JAK2: variants seen among roughly 807,000 people sequenced by gnomAD.
JAK2 encodes the protein Janus kinase 2.
JAK2 carries 86 observed loss-of-function variants against 139.3 expected under a neutral mutation model. That is an observed-to-expected ratio of 0.62 (90% CI 0.52 to 0.74). The LOEUF is 0.74. Among genes scored for constraint, JAK2 ranks in the 30% least tolerant of loss-of-function variants. The probability of loss-of-function intolerance (pLI) is 0.00; values close to 1 mark genes in which losing one functional copy is unlikely to be tolerated. For synonymous variants in JAK2, 490 were observed against 437.7 expected (o/e 1.12, Z -1.49); for missense variants, 1,421 against 1,360.3 (o/e 1.04, Z -0.70).
chr9:5,072,693 A>G (rs1819048222), intron 13 of JAK2, 67 bp downstream of exon 13: 6 of 1,202,182 alleles, frequency 5.0e-6, no homozygotes, highest in East Asian at 2.7e-5. Flanking sequence ...ATATGCATAC[A>G]ACGTACTCAT....
At chr9:5,011,744 T>G (rs1821715646) in intron 2 of JAK2, among the ~76,000 whole-genome samples, 1 of 152,202 alleles carries the variant, frequency 6.6e-6, no homozygotes. Flanking sequence ...TTTCAATCTT[T>G]CTCTGAAGTA....
chr9:5,025,256 A>G (rs1003003658), intron 3 of JAK2, among the ~76,000 whole-genome samples: 4 of 151,948 alleles, frequency 2.6e-5, no homozygotes, highest in South Asian at 2.1e-4. Flanking sequence ...AGATTTTTCT[A>G]TCTATATTGG....
chr9:5,066,961 T>C (rs1313177498), intron 10 of JAK2, among the ~76,000 whole-genome samples, 172 bp downstream of exon 10: 1 of 152,102 alleles, frequency 6.6e-6, no homozygotes, highest in East Asian at 1.9e-4. Flanking sequence ...AAGTTATAAT[T>C]CCCAGGGTTT....
At chr9:5,094,441 T>A (rs1376588428) in intron 22 of JAK2, 1 of 152,104 alleles carries the variant, frequency 6.6e-6, no homozygotes, top group Non-Finnish European at 1.5e-5. Flanking sequence ...AGGATAAGCA[T>A]CCAATTCAAA....
chr9:5,077,428 T>A, intron 14 of JAK2, 25 bp from the exon 15 acceptor site: 1 of 854,790 alleles, frequency 1.2e-6, no homozygotes, highest in South Asian at 3.2e-5. Context: ...TAAGCCTTAT[T>A]ATTATTACTT....
chr9:5,040,936 C>T (rs1235088458), intron 4 of JAK2: 5 of 400,372 alleles, frequency 1.2e-5, no homozygotes, highest in African/African-American at 4.3e-5. Flanking sequence ...CTGGCCATGG[C>T]GGAGCCAAGG....
At chr9:5,057,638 A>C (rs1458740622) in intron 8 of JAK2, among the ~76,000 whole-genome samples, 2 of 146,180 alleles carry the variant, frequency 1.4e-5, no homozygotes, top group East Asian at 2.0e-4. Context: ...GCTGGAGCAC[A>C]ATGGCGCGAT....
intron 2 of JAK2, among the ~76,000 whole-genome samples, chr9:5,013,581 CTGTGT>C (rs1821846152): frequency 6.6e-6 from 1 of 152,200 alleles, no homozygotes. Context: ...CAGGAACATG[CTGTGT>C]ACATTCCTCT....
chr9:5,129,823 C>G lies in JAK2; in HGVS notation c.*3032C>G, dbSNP rs76617747. Among the ~76,000 whole-genome samples, 352 of 152,228 alleles carry G rather than the reference C, an allele frequency of 2.3e-3. 3 individuals are homozygous for G. The highest frequency in any genetic ancestry group is 7.9e-3 in the African/African-American group (329 of 41,562). On this transcript the variant is annotated 3_prime_UTR_variant, in exon 25 of 25. Coordinates refer to ENST00000381652, the MANE Select transcript of JAK2 (RefSeq NM_004972.4). ...AATTCATGTATGTATATCATATAGC[C>G]TTTAACTTTTTACATTAATCAGATT...
chr9:5,121,884 G>C (rs1286718401), intron 22 of JAK2, among the ~76,000 whole-genome samples: 1 of 152,158 alleles, frequency 6.6e-6, no homozygotes, highest in Non-Finnish European at 1.5e-5. Flanking sequence ...CAGAGGAAGA[G>C]CATATTTTGC....
intron 8 of JAK2, among the ~76,000 whole-genome samples, chr9:5,060,361 A>G (rs933266591): frequency 6.6e-6 from 1 of 152,164 alleles, no homozygotes; most frequent in African/African-American, 2.4e-5. Context: ...AGCATGTGAC[A>G]TTGTTTGGTA....
chr9:5,044,343 G>T, intron 4 of JAK2, 60 bp from the exon 5 acceptor site: 1 of 994,858 alleles, frequency 1.0e-6, no homozygotes, highest in Non-Finnish European at 1.6e-6. Context: ...ACTATATATA[G>T]ATAGTACGTT....
At chr9:5,058,079 A>G (rs909279090) in intron 8 of JAK2, among the ~76,000 whole-genome samples, 3 of 152,166 alleles carry the variant, frequency 2.0e-5, no homozygotes, top group African/African-American at 7.2e-5. Flanking sequence ...ACATTTGTTC[A>G]TTCATCCATC....
intron 5 of JAK2, among the ~76,000 whole-genome samples, chr9:5,045,328 C>G (rs7046077): frequency 0.34 from 52,408 of 151,936 alleles, 9,774 homozygotes; most frequent in African/African-American, 0.5. Context: ...GCCTAGTAAG[C>G]CTAGTTCAGT....
chr9:5,109,140 C>G (rs1822225479), intron 22 of JAK2: 1 of 152,104 alleles, frequency 6.6e-6, no homozygotes, highest in Admixed American at 6.5e-5. Context: ...CCTCTACTCC[C>G]TACATGTACC....
intron 2 of JAK2, among the ~76,000 whole-genome samples, chr9:4,988,195 C>G (rs1054737910): frequency 4.9e-4 from 75 of 152,294 alleles, no homozygotes; most frequent in African/African-American, 1.7e-3. Context: ...TCTTAGCTCC[C>G]AGTTTCCCAA....
chr9:5,067,016 G>C (rs1363041091), intron 10 of JAK2, among the ~76,000 whole-genome samples: 1 of 151,688 alleles, frequency 6.6e-6, no homozygotes, highest in Non-Finnish European at 1.5e-5. Flanking sequence ...TTTTTATTTT[G>C]CATTTATTTT....
At chr9:5,113,707 G>A (rs59368463) in intron 22 of JAK2, 16,100 of 165,556 alleles carry the variant, frequency 0.097, 2,689 homozygotes, top group African/African-American at 0.36. Context: ...GGAGCGCTGG[G>A]ACCTTCCCAG....
chr9:5,099,610 T>G lies in JAK2; in HGVS notation c.3059+8699T>G, dbSNP rs368137705. On this transcript the variant is annotated intron_variant, in intron 22 of 24. Transcript: ENST00000381652. ...TTTGCTACCCCTACAATTCTAGGCC[T>G]ACCAGCAGTAGTATTAATCATTCTG... 4 of 152,354 alleles carry G rather than the reference T, an allele frequency of 2.6e-5. No individual in the cohort carries two copies. The South Asian group carries it at 8.3e-4, about 32-fold the overall frequency. The allele number at this position is 152,354 out of a possible 1,614,324, so 9.4% of individuals were successfully genotyped here. A position where few individuals can be genotyped will look rare whatever the true frequency, so the allele number is the denominator to read the frequency against.
Sources: allele counts gnomAD v4.1 joint callset (sites outside exome capture counted in the v4.1 genomes callset), GRCh38; gene constraint gnomAD v4.1.1; transcripts MANE v1.5; gene names NCBI Gene and HGNC (gene_info 2026-07-23, HGNC 2026-07-21).